EPHA3: variants seen among roughly 807,000 people sequenced by gnomAD.
The protein encoded by EPHA3 is EPH receptor A3, also known as ephrin type-A receptor 3.
In EPHA3, 42 loss-of-function variants were observed where a neutral mutation model predicts 107.1. The ratio of observed to expected loss-of-function variants is 0.39; its 90% CI spans 0.31 to 0.51. The LOEUF (loss-of-function observed/expected upper bound fraction) is 0.51, where lower values mean the gene tolerates loss of function less well. Ranked by LOEUF, EPHA3 falls within the 20% of genes least tolerant of loss-of-function variation. EPHA3 has a pLI of 0.78. For missense variants in EPHA3, 1,183 were observed against 1,211.2 expected (o/e 0.98, Z 0.35); for synonymous variants, 461 against 424.8 (o/e 1.09, Z -1.05).
chr3:89,138,936 A>G (rs1704370728), intron 2 of EPHA3, among the ~76,000 whole-genome samples: 1 of 152,012 alleles, frequency 6.6e-6, no homozygotes, highest in South Asian at 2.1e-4. Context: ...CTCAGTGAAC[A>G]TGAAAATTAT....
Position 89,127,197 on chromosome 3 carries a change from G to A in EPHA3, c.89-12G>A, listed in dbSNP as rs367884951. 16 of 1,605,202 alleles carry A rather than the reference G, an allele frequency of 1.0e-5. No homozygotes were observed. Among genetic ancestry groups the A allele is most frequent in the Non-Finnish European group, 1.0e-5 (12 of 1,172,562 alleles). On this transcript the variant is annotated splice_polypyrimidine_tract_variant and intron_variant, in intron 1 of 16. Coordinates refer to ENST00000336596, the MANE Select transcript of EPHA3 (RefSeq NM_005233.6). Reference sequence around the variant, plus strand: ...GTTATTAACTGTGTTTGTGTATTATGTTTTATTTTAGTCAATCTACTGGAT... The same window carrying A: ...GTTATTAACTGTGTTTGTGTATTATATTTTATTTTAGTCAATCTACTGGAT...
chr3:89,127,976 T>A (rs1242535393), intron 2 of EPHA3, among the ~76,000 whole-genome samples: 1 of 151,986 alleles, frequency 6.6e-6, no homozygotes, highest in Non-Finnish European at 1.5e-5. Context: ...TATTTACATT[T>A]CTCAAACTCT....
rs1398335242 is a variant in EPHA3 at position 89,395,876 on chromosome 3, C to A, written c.1346C>A (p.Ser449Tyr). ...CTGACGATTAAGAAAGATCGGACCTCCAGAAATAGCATCTCTTTGTCCTGG... is the reference window on the plus strand; with the variant it reads ...CTGACGATTAAGAAAGATCGGACCTACAGAAATAGCATCTCTTTGTCCTGG... ...PVLTIKKDRT[S>Y]RNSISLSWQE... is the part of the protein sequence containing the mutation. Residue 449 changes from serine (S) to tyrosine (Y), a missense_variant, in exon 6 of 17, where the codon TCC becomes TAC. Physicochemically the swap from Ser to Tyr is moderately radical, Grantham distance 144 (BLOSUM62 -2). Transcript: ENST00000336596. 6.2e-7 allele frequency: 1 copy of A among 1,614,106 alleles called. No individual in the cohort carries two copies. The highest frequency in any genetic ancestry group is 8.5e-7 in the Non-Finnish European group (1 of 1,179,980).
At chr3:89,119,692 A>G (rs1707335214) in intron 1 of EPHA3, among the ~76,000 whole-genome samples, 1 of 152,144 alleles carries the variant, frequency 6.6e-6, no homozygotes, top group African/African-American at 2.4e-5. Flanking sequence ...TTAGTTTTCC[A>G]GAAATTTGTT....
At chr3:89,348,396 T>C (rs1192725801) in intron 5 of EPHA3, among the ~76,000 whole-genome samples, 114 of 120,250 alleles carry the variant, frequency 9.5e-4, no homozygotes, top group Non-Finnish European at 1.7e-3. Flanking sequence ...TTCTAGTTTA[T>C]TTGCGTAGAG....
At chr3:89,449,953 T>G (rs1446612686) in intron 14 of EPHA3, among the ~76,000 whole-genome samples, 1 of 152,200 alleles carries the variant, frequency 6.6e-6, no homozygotes, top group Non-Finnish European at 1.5e-5. Flanking sequence ...TTACATACTC[T>G]TTCCTAAATT....
intron 13 of EPHA3, among the ~76,000 whole-genome samples, chr3:89,441,650 A>T (rs1709789274): frequency 6.6e-6 from 1 of 152,204 alleles, no homozygotes; most frequent in African/African-American, 2.4e-5. Flanking sequence ...AACCAGAAAA[A>T]AATAACACTC....
At chr3:89,394,405 A>G (rs969900257) in intron 5 of EPHA3, among the ~76,000 whole-genome samples, 18 of 152,232 alleles carry the variant, frequency 1.2e-4, no homozygotes, top group Admixed American at 6.5e-5. Context: ...AAGAAAGAAA[A>G]AAATAATAAA....
At chr3:89,459,757 A>C (rs1710184012) in intron 15 of EPHA3, among the ~76,000 whole-genome samples, 1 of 152,170 alleles carries the variant, frequency 6.6e-6, no homozygotes, top group Non-Finnish European at 1.5e-5. Flanking sequence ...TCCTGACCTC[A>C]GGTGATCCAC....
chr3:89,366,715 A>G (rs1249644333), intron 5 of EPHA3, among the ~76,000 whole-genome samples: 1 of 150,688 alleles, frequency 6.6e-6, no homozygotes, highest in Non-Finnish European at 1.5e-5. Context: ...GGAAACAGTT[A>G]TCTACAAAGT....
chr3:89,108,241 T>C (rs1431284026), intron 1 of EPHA3, among the ~76,000 whole-genome samples: 3 of 152,184 alleles, frequency 2.0e-5, no homozygotes, highest in African/African-American at 4.8e-5. Flanking sequence ...CTCTAGACTC[T>C]TTAGTATGTT....
At chr3:89,410,499 C>A (rs1274635725) in intron 9 of EPHA3, among the ~76,000 whole-genome samples, 2 of 151,994 alleles carry the variant, frequency 1.3e-5, no homozygotes, top group East Asian at 1.9e-4. Flanking sequence ...TTAACTTCAG[C>A]AAAGTAAAGG....
chr3:89,244,341 TATATGCTA>T (rs1704980664), intron 3 of EPHA3, among the ~76,000 whole-genome samples: 1 of 152,056 alleles, frequency 6.6e-6, no homozygotes, highest in Admixed American at 6.5e-5. Flanking sequence ...CACACTGAAA[TATATGCTA>T]ATATCTAAAA....
intron 3 of EPHA3, among the ~76,000 whole-genome samples, chr3:89,232,646 G>T (rs1227471955): frequency 6.6e-6 from 1 of 152,130 alleles, no homozygotes; most frequent in Non-Finnish European, 1.5e-5. Context: ...AGGCAAAAAT[G>T]CCACTTCTTA....
intron 5 of EPHA3, among the ~76,000 whole-genome samples, chr3:89,387,927 T>C (rs1355961237): frequency 2.0e-5 from 3 of 152,200 alleles, no homozygotes; most frequent in Non-Finnish European, 4.4e-5. Context: ...ATTAAAATTT[T>C]GGAGTTTTAG....
At chr3:89,474,008 TAATATTTA>T (rs992108611) in intron 16 of EPHA3, among the ~76,000 whole-genome samples, 2 of 152,134 alleles carry the variant, frequency 1.3e-5, no homozygotes, top group African/African-American at 4.8e-5. Flanking sequence ...CATCTCCCAC[TAATATTTA>T]AATATTTAAA....
intron 11 of EPHA3, among the ~76,000 whole-genome samples, chr3:89,422,651 C>G (rs763803945): frequency 1.3e-5 from 2 of 151,370 alleles, no homozygotes; most frequent in Non-Finnish European, 3.0e-5. Flanking sequence ...AATTACTCCT[C>G]TGGTTGTTTG....
At chr3:89,197,610 A>G (rs1207322750) in intron 2 of EPHA3, among the ~76,000 whole-genome samples, 3 of 152,196 alleles carry the variant, frequency 2.0e-5, no homozygotes, top group African/African-American at 7.2e-5. Context: ...AGTGTGGAAT[A>G]CTATTGGCAA....
chr3:89,357,997 C>T (rs1264576189), intron 5 of EPHA3, among the ~76,000 whole-genome samples: 3 of 151,082 alleles, frequency 2.0e-5, no homozygotes, highest in Admixed American at 1.3e-4. Flanking sequence ...CTAGGTTTTA[C>T]AACTATTCAT....
Sources: gnomAD v4.1 joint callset for allele counts (sites outside exome capture counted in the v4.1 genomes callset) on GRCh38, gnomAD v4.1.1 for gene constraint, MANE v1.5 for transcripts, NCBI Gene and HGNC (gene_info 2026-07-23, HGNC 2026-07-21) for gene names.